Variants in FAT3 observed in about 807,000 individuals in gnomAD.
FAT3 encodes protocadherin Fat 3.
In FAT3, 95 loss-of-function variants were observed where a neutral mutation model predicts 310.2. That is an observed-to-expected ratio of 0.31 (90% CI 0.26 to 0.36). The LOEUF (loss-of-function observed/expected upper bound fraction) is 0.36. Among genes scored for constraint, FAT3 ranks in the 10% least tolerant of loss-of-function variants. FAT3 has a pLI of 1.00. For synonymous variants in FAT3, 2,314 were observed against 2,192.9 expected, an observed-to-expected ratio of 1.06 and a Z score of -1.54; for missense variants, 5,408 against 5,715.6, an observed-to-expected ratio of 0.95 and a Z score of 1.74.
At position 92,583,146 on chromosome 11, in the gene FAT3, T is replaced by G. The variant is rs1938910367; in HGVS notation, c.3607+58198T>G. 2.6e-5 allele frequency among the ~76,000 whole-genome samples: 4 copies of G among 152,080 alleles called. 1 individual carries two copies. The highest frequency in any genetic ancestry group is 2.6e-4 in the Admixed American group (4 of 15,260). On this transcript the variant is annotated intron_variant, in intron 3 of 27. Coordinates refer to ENST00000525166, the MANE Select transcript of FAT3 (RefSeq NM_001367949.2). Reference sequence around the variant, plus strand: ...TAAATTTAATTCAGGCTCCCTTGTCTAAAAGAAAATATCTTTGCATTTAGT... The same window carrying G: ...TAAATTTAATTCAGGCTCCCTTGTCGAAAAGAAAATATCTTTGCATTTAGT...
At chr11:92,525,576 A>G (rs1953834615) in intron 3 of FAT3, among the ~76,000 whole-genome samples, 1 of 152,168 alleles carries the variant, frequency 6.6e-6, no homozygotes, top group Non-Finnish European at 1.5e-5. Flanking sequence ...ATTTGGCTGA[A>G]TGCATTCTGA....
intron 3 of FAT3, among the ~76,000 whole-genome samples, chr11:92,623,064 C>G (rs1941159106): frequency 6.6e-6 from 1 of 152,160 alleles, no homozygotes. Flanking sequence ...GTCTTTTACC[C>G]TCTGCTCTTG....
chr11:92,367,656 T>A (rs1053749447), intron 2 of FAT3, among the ~76,000 whole-genome samples: 1 of 151,994 alleles, frequency 6.6e-6, no homozygotes. Flanking sequence ...AAAAAAAAAC[T>A]GATAGTAGAG....
chr11:92,783,927 T>C (rs1312903146), intron 7 of FAT3, among the ~76,000 whole-genome samples: 1 of 152,236 alleles, frequency 6.6e-6, no homozygotes, highest in African/African-American at 2.4e-5. Flanking sequence ...TGAATGTTCA[T>C]GAAAAGAGAA....
chr11:92,761,134 A>T (rs1946140516), intron 4 of FAT3, among the ~76,000 whole-genome samples: 1 of 152,160 alleles, frequency 6.6e-6, no homozygotes, highest in East Asian at 1.9e-4. Flanking sequence ...CATAGGCTGG[A>T]TGGCTTAAAT....
rs889286031 is a variant in FAT3, at chr11:92,835,219, G to A, written c.10086+135G>A. 29 of 661,354 alleles carry A rather than the reference G, an allele frequency of 4.4e-5. No homozygotes were observed. The Admixed American group carries it at 5.8e-4, about 13-fold the overall frequency. The allele number at this position is 661,354 out of a possible 1,614,324, so 41.0% of individuals were successfully genotyped here. ...CAGTGTCCATTTGTCCCCAAGAATA[G>A]GAGCCATCTTTCTATGGCTCCTTCT... On this transcript the variant is annotated intron_variant, in intron 15 of 27. Coordinates refer to ENST00000525166, the MANE Select transcript of FAT3 (RefSeq NM_001367949.2).
rs114579242 is a variant in FAT3 at position 92,571,500 on chromosome 11, T to A, written c.3607+46552T>A. Among the ~76,000 whole-genome samples, 1,040 of 152,322 alleles carry A rather than the reference T, an allele frequency of 6.8e-3. 11 individuals carry two copies. Among genetic ancestry groups the A allele is most frequent in the African/African-American group, 0.022 (930 of 41,568 alleles). On this transcript the variant is annotated intron_variant, in intron 3 of 27. Coordinates refer to ENST00000525166, the MANE Select transcript of FAT3 (RefSeq NM_001367949.2). ...TGTTAGCCCCAACTGGAAAGGTCAC[T>A]TTTTCATAGTGTGACTTTCACCACC...
At chr11:92,596,534 T>A (rs1197310328) in intron 3 of FAT3, among the ~76,000 whole-genome samples, 1 of 152,138 alleles carries the variant, frequency 6.6e-6, no homozygotes, top group Non-Finnish European at 1.5e-5. Flanking sequence ...TATCTCTCTG[T>A]TGACCATCTC....
rs911151146 is a variant in FAT3, at chr11:92,883,513, T to C, written c.12937+120T>C. 6.8e-5 allele frequency: 89 copies of C among 1,301,470 alleles called. No individual in the cohort carries two copies. Among genetic ancestry groups the C allele is most frequent in the Non-Finnish European group, 9.1e-5 (88 of 963,116 alleles). 80.6% of individuals were successfully genotyped at this position (1,301,470 alleles called of 1,614,324 possible). On this transcript the variant is annotated intron_variant, in intron 24 of 27. Coordinates refer to ENST00000525166, the MANE Select transcript of FAT3 (RefSeq NM_001367949.2). The surrounding 1 kb of genome is among the most constrained non-coding windows in gnomAD (Gnocchi z 4.2). The stretch of plus-strand genomic sequence containing the variant: ...CATGCAGAGCATTCGCTATGACATG[T>C]GCTGATGTCGAATGTGCACACCAGC...
chr11:92,376,710 T>G (rs1024896223), intron 2 of FAT3, among the ~76,000 whole-genome samples: 1 of 152,214 alleles, frequency 6.6e-6, no homozygotes, highest in Non-Finnish European at 1.5e-5. Flanking sequence ...TCCCTCACTT[T>G]GGATAGTGGT....
At chr11:92,670,080 T>A (rs1357502871) in intron 3 of FAT3, among the ~76,000 whole-genome samples, 1 of 152,244 alleles carries the variant, frequency 6.6e-6, no homozygotes, top group African/African-American at 2.4e-5. Context: ...GTTTTCTGGC[T>A]AGAAGATAAC....
rs761656367 is a variant in FAT3, at chr11:92,355,401, A to T, written c.3289A>T (p.Ser1097Cys). Residue 1097 changes from serine (S) to cysteine (C), a missense_variant, in exon 2 of 28, where the codon AGT (serine) becomes TGT (cysteine). Physicochemically the swap from Ser to Cys is moderately radical, Grantham distance 112. Coordinates refer to ENST00000525166, the MANE Select transcript of FAT3 (RefSeq NM_001367949.2). Reference protein sequence around the residue: ...GLGRFSIDDESGVITAADILD... With the variant: ...GLGRFSIDDECGVITAADILD... ...TGGAAGGTTCAGTATAGACGACGAGAGTGGTAAGTGTAATATTTTGTGCCA... is the reference window on the plus strand; with the variant it reads ...TGGAAGGTTCAGTATAGACGACGAGTGTGGTAAGTGTAATATTTTGTGCCA... 1.2e-6 allele frequency: 2 copies of T among 1,605,954 alleles called. No individual in the cohort carries two copies. Among genetic ancestry groups the T allele is most frequent in the African/African-American group, 1.3e-5 (1 of 74,828 alleles).
chr11:92,385,227 C>T (rs571185211), intron 2 of FAT3, among the ~76,000 whole-genome samples: 14 of 152,272 alleles, frequency 9.2e-5, no homozygotes, highest in South Asian at 2.1e-4. Context: ...ATTTAAATTA[C>T]GGTACATCTT....
chr11:92,683,199 G>A (rs920871863), intron 3 of FAT3, among the ~76,000 whole-genome samples: 1 of 152,078 alleles, frequency 6.6e-6, no homozygotes, highest in Admixed American at 6.6e-5. Flanking sequence ...CAGGAATGGA[G>A]TGGGGAATTT....
intron 2 of FAT3, among the ~76,000 whole-genome samples, chr11:92,391,459 C>T (rs567039788): frequency 6.6e-6 from 1 of 152,298 alleles, no homozygotes; most frequent in African/African-American, 2.4e-5. Context: ...GGCCCCAATG[C>T]TGCAGGCAAA....
At chr11:92,447,776 C>T (rs537038801) in intron 2 of FAT3, among the ~76,000 whole-genome samples, 1 of 152,048 alleles carries the variant, frequency 6.6e-6, no homozygotes, top group African/African-American at 2.4e-5. Context: ...AGAAGTGGAA[C>T]GAGAAGAACC....
At chr11:92,711,560 T>C (rs2135949044) in intron 4 of FAT3, among the ~76,000 whole-genome samples, 1 of 152,274 alleles carries the variant, frequency 6.6e-6, no homozygotes, top group South Asian at 2.1e-4. Context: ...GGCAGATTAT[T>C]TCCAATACTT....
intron 2 of FAT3, among the ~76,000 whole-genome samples, chr11:92,504,153 C>T (rs1187988071): frequency 1.3e-5 from 2 of 152,040 alleles, no homozygotes; most frequent in Non-Finnish European, 2.9e-5. Flanking sequence ...ACATCATATG[C>T]CAAAAACAAG....
At chr11:92,688,682 G>T (rs1943705827) in intron 3 of FAT3, among the ~76,000 whole-genome samples, 1 of 152,098 alleles carries the variant, frequency 6.6e-6, no homozygotes, top group South Asian at 2.1e-4. Context: ...TAAAATTCCT[G>T]TGCATACATT....
Sources: gnomAD v4.1 joint callset for allele counts (sites outside exome capture counted in the v4.1 genomes callset) on GRCh38, gnomAD v4.1.1 for gene constraint, Gnocchi (gnomAD v3.1) non-coding constraint, MANE v1.5 for transcripts, NCBI Gene and HGNC (gene_info 2026-07-23, HGNC 2026-07-21) for gene names.